The following NUCKS1 variants were observed in gnomAD, a reference collection of about 807,000 sequenced individuals.
NUCKS1 encodes nuclear casein kinase and cyclin dependent kinase substrate 1, also known as nuclear ubiquitous casein and cyclin-dependent kinase substrate 1.
Under a neutral mutation model 33.0 loss-of-function variants are expected in NUCKS1, and 2 were observed. That is an observed-to-expected ratio of 0.06 (90% CI 0.02 to 0.19). NUCKS1 has a LOEUF of 0.19. Among genes scored for constraint, NUCKS1 ranks in the 10% least tolerant of loss-of-function variants. NUCKS1 has a pLI of 1.00. For synonymous variants in NUCKS1, 106 were observed against 102.8 expected (o/e 1.03, Z -0.19); for missense variants, 201 against 293.6 (o/e 0.68, Z 2.31).
At chr1:205,726,737 G>A (rs1653785694) in intron 3 of NUCKS1, among the ~76,000 whole-genome samples, 1 of 152,130 alleles carries the variant, frequency 6.6e-6, no homozygotes. Flanking sequence ...ACCCCTCTAA[G>A]AAGTTAATAT....
intron 1 of NUCKS1, among the ~76,000 whole-genome samples, chr1:205,746,922 T>C (rs575213813): frequency 1.3e-5 from 2 of 152,232 alleles, no homozygotes; most frequent in South Asian, 4.1e-4. Flanking sequence ...TCACTTTCAA[T>C]AAGGGAGGAG....
chr1:205,731,688 G>A (rs1158919558), intron 1 of NUCKS1, among the ~76,000 whole-genome samples: 2 of 152,098 alleles, frequency 1.3e-5, no homozygotes, highest in Non-Finnish European at 2.9e-5. Context: ...TCAGGAGATT[G>A]AGACCATCCT....
chr1:205,729,624 G>A lies in NUCKS1; in HGVS notation c.18-3C>T. ...AGTAATCAACAACCTTCCTATTTCTGTAGAAAGAAGAGACTCTAATTAAAA... is the reference window on the plus strand; with the variant it reads ...AGTAATCAACAACCTTCCTATTTCTATAGAAAGAAGAGACTCTAATTAAAA... On this transcript the variant is annotated splice_region_variant and splice_polypyrimidine_tract_variant and intron_variant, in intron 1 of 6. Transcript: ENST00000367142. 1 of 1,598,778 alleles carries A rather than the reference G, an allele frequency of 6.3e-7. No homozygotes were observed. The highest frequency in any genetic ancestry group is 8.6e-7 in the Non-Finnish European group (1 of 1,166,504).
chr1:205,731,037 G>C (rs1414066134), intron 1 of NUCKS1, among the ~76,000 whole-genome samples: 1 of 152,122 alleles, frequency 6.6e-6, no homozygotes, highest in East Asian at 1.9e-4. Flanking sequence ...ACATTATAAT[G>C]CACAAAAATT....
rs111265946 is a variant in NUCKS1 at position 205,750,063 on chromosome 1, C to T, written c.-90G>A. On this transcript the variant is annotated 5_prime_UTR_variant, in exon 1 of 7. Coordinates refer to ENST00000367142, the MANE Select transcript of NUCKS1 (RefSeq NM_022731.5). ...TCGGCGCCCCACCCCCCCCGAACTTCAGCCGATGGGACCGCTGCTGCCGAA... is the reference window on the plus strand; with the variant it reads ...TCGGCGCCCCACCCCCCCCGAACTTTAGCCGATGGGACCGCTGCTGCCGAA... 2.2e-4 allele frequency: 267 copies of T among 1,193,632 alleles called. No individual in the cohort carries two copies. Among genetic ancestry groups the T allele is most frequent in the Non-Finnish European group, 2.9e-4 (257 of 894,482 alleles). 73.9% of individuals were successfully genotyped at this position (1,193,632 alleles called of 1,614,324 possible).
chr1:205,749,750 C>CGGGGA (rs1470144963), intron 1 of NUCKS1, among the ~76,000 whole-genome samples: 2 of 149,710 alleles, frequency 1.3e-5, no homozygotes, highest in East Asian at 2.1e-4. Flanking sequence ...CGGCGCGGGG[C>CGGGGA]GGGGAGGGGC....
At chr1:205,746,443 T>TCACACACACACACA (rs759670793) in intron 1 of NUCKS1, among the ~76,000 whole-genome samples, 1 of 70,172 alleles carries the variant, frequency 1.4e-5, no homozygotes. Flanking sequence ...CACTTCTCTC[T>TCACACACACACACA]CTCTCTCTCT....
chr1:205,750,111 A>C lies in NUCKS1; in HGVS notation c.-138T>G. ...GAACCCCGAGCTGCTGGCTTCTCAA[A>C]CTCCGCTGCTCTTTGGTTCAGGGCT... On this transcript the variant is annotated 5_prime_UTR_variant, in exon 1 of 7. Transcript: ENST00000367142. 4 of 831,176 alleles carry C rather than the reference A, an allele frequency of 4.8e-6. No individual in the cohort carries two copies. Among genetic ancestry groups the C allele is most frequent in the Non-Finnish European group, 5.7e-6 (3 of 528,794 alleles). The allele number at this position is 831,176 out of a possible 1,614,324, so 51.5% of individuals were successfully genotyped here.
chr1:205,725,955 C>G (rs1233025384), intron 3 of NUCKS1, among the ~76,000 whole-genome samples: 2 of 152,240 alleles, frequency 1.3e-5, no homozygotes, highest in Middle Eastern at 3.4e-3. Context: ...AATTCCAACA[C>G]TTTGGGAGGC....
At chr1:205,742,762 T>G (rs1654210307) in intron 1 of NUCKS1, among the ~76,000 whole-genome samples, 1 of 152,068 alleles carries the variant, frequency 6.6e-6, no homozygotes, top group Admixed American at 6.6e-5. Context: ...GAGGCGGAGC[T>G]TGCAGTGAGC....
chr1:205,741,945 A>G (rs1333413537), intron 1 of NUCKS1, among the ~76,000 whole-genome samples: 1 of 152,214 alleles, frequency 6.6e-6, no homozygotes. Context: ...AGAGAATTCC[A>G]AACAGTAAAG....
intron 1 of NUCKS1, among the ~76,000 whole-genome samples, chr1:205,749,730 A>T (rs7536483): frequency 0.32 from 48,952 of 150,866 alleles, 9,213 homozygotes; most frequent in Non-Finnish European, 0.42. Flanking sequence ...AGCAGACCGG[A>T]GCCCTGCAGC....
intron 1 of NUCKS1, 79 bp downstream of exon 1, chr1:205,749,878 A>G: frequency 1.4e-6 from 2 of 1,417,268 alleles, no homozygotes; most frequent in Non-Finnish European, 2.0e-6. Context: ...GGCGGACTCT[A>G]GCCTTCTGTC....
At chr1:205,737,443 G>A (rs1462261298) in intron 1 of NUCKS1, among the ~76,000 whole-genome samples, 1 of 152,178 alleles carries the variant, frequency 6.6e-6, no homozygotes, top group Non-Finnish European at 1.5e-5. Flanking sequence ...GATATGCCAA[G>A]AACAGAATCC....
chr1:205,738,522 A>C (rs1654087701), intron 1 of NUCKS1, among the ~76,000 whole-genome samples: 1 of 150,854 alleles, frequency 6.6e-6, no homozygotes, highest in Non-Finnish European at 1.5e-5. Flanking sequence ...CCATGCTGAG[A>C]TTACAGGCAG....
rs1164047317 is a variant in NUCKS1 at position 205,716,947 on chromosome 1, CAA to C, written c.*1331_*1332del. On this transcript the variant is annotated 3_prime_UTR_variant, in exon 7 of 7. Coordinates refer to ENST00000367142, the MANE Select transcript of NUCKS1 (RefSeq NM_022731.5). Reference sequence around the variant, plus strand: ...GCAGGGGTTGGACCAAATAAAAAGACAAGAGCTAACTGAATTGTATGGGAGCA... The same window carrying C: ...GCAGGGGTTGGACCAAATAAAAAGACGAGCTAACTGAATTGTATGGGAGCA... 3 of 152,148 alleles carry C rather than the reference CAA, an allele frequency of 2.0e-5. No homozygotes were observed. The highest frequency in any genetic ancestry group is 7.2e-5 in the African/African-American group (3 of 41,424). The allele number at this position is 152,148 out of a possible 1,614,324, so 9.4% of individuals were successfully genotyped here.
In NUCKS1 at chr1:205,717,324, A is replaced by C; in HGVS notation, c.*956T>G. 1.0e-6 allele frequency: 1 copy of C among 987,298 alleles called. No individual in the cohort carries two copies. The highest frequency in any genetic ancestry group is 1.2e-6 in the Non-Finnish European group (1 of 829,998). 61.2% of individuals were successfully genotyped at this position (987,298 alleles called of 1,614,324 possible). The stretch of plus-strand genomic sequence containing the variant: ...TTAACTGGAACTTTATTTGCTTAAA[A>C]CCTAAACATTGTCAGTTTGAAAAGA... On this transcript the variant is annotated 3_prime_UTR_variant, in exon 7 of 7. Transcript: ENST00000367142.
chr1:205,736,227 C>G (rs1011390595), intron 1 of NUCKS1, among the ~76,000 whole-genome samples: 3 of 152,156 alleles, frequency 2.0e-5, no homozygotes, highest in African/African-American at 7.2e-5. Flanking sequence ...GCTAGGATTA[C>G]AAGCATGAGC....
chr1:205,727,894 G>A, intron 2 of NUCKS1, 89 bp from the exon 3 acceptor site: 1 of 874,516 alleles, frequency 1.1e-6, no homozygotes, highest in South Asian at 1.6e-5. Flanking sequence ...CTCTCATGCT[G>A]TTTAAATGGT....
Sources: allele counts gnomAD v4.1 joint callset (sites outside exome capture counted in the v4.1 genomes callset), GRCh38; gene constraint gnomAD v4.1.1; transcripts MANE v1.5; gene names NCBI Gene and HGNC (gene_info 2026-07-23, HGNC 2026-07-21).